PLB1: variants seen among roughly 807,000 people sequenced by gnomAD.
PLB1 encodes the protein phospholipase B1, membrane-associated.
Under a neutral mutation model 227.4 loss-of-function variants are expected in PLB1, and 242 were observed. The observed-to-expected ratio is 1.06, with a 90% CI of 0.96 to 1.18. The LOEUF (loss-of-function observed/expected upper bound fraction) is 1.18. Among genes scored for constraint, PLB1 ranks in the 50% most tolerant of loss-of-function variants. PLB1 has a pLI of 0.00. For missense variants in PLB1, 1,858 were observed against 1,816.3 expected (o/e 1.02, Z -0.42); for synonymous variants, 757 against 682.2 (o/e 1.11, Z -1.71).
rs151216322 is a variant in PLB1 at position 28,598,979 on chromosome 2, G to A, written c.2474+219G>A. Among the ~76,000 whole-genome samples, 29 of 152,312 alleles carry A rather than the reference G, an allele frequency of 1.9e-4. No homozygotes were observed. The East Asian group carries it at 5.4e-3, about 28-fold the overall frequency. On this transcript the variant is annotated intron_variant, in intron 35 of 57. Coordinates refer to ENST00000327757, the MANE Select transcript of PLB1 (RefSeq NM_153021.5). ...CGATGCCCCTATAGGTTCAACTCCT[G>A]ACCTTGCCTTCATGTGCAGCATGTT... is the stretch of plus-strand genomic sequence containing the variant.
At chr2:28,516,745 C>T in intron 1 of PLB1, 63 bp from the exon 2 acceptor site, 1 of 1,473,526 alleles carries the variant, frequency 6.8e-7, no homozygotes, top group Non-Finnish European at 9.5e-7. Flanking sequence ...GGCATGAAAG[C>T]TACAAATTTG....
At chr2:28,582,793 G>T (rs747848141) in intron 25 of PLB1, among the ~76,000 whole-genome samples, 1 of 152,116 alleles carries the variant, frequency 6.6e-6, no homozygotes, top group African/African-American at 2.4e-5. Flanking sequence ...AGAGTAAAAC[G>T]CTAGGAATGG....
intron 1 of PLB1, among the ~76,000 whole-genome samples, chr2:28,504,219 T>C (rs1443242456): frequency 1.3e-5 from 2 of 152,232 alleles, no homozygotes; most frequent in African/African-American, 4.8e-5. Context: ...CTTTACCATC[T>C]TCTTGTCTTT....
intron 17 of PLB1, among the ~76,000 whole-genome samples, chr2:28,560,465 T>C (rs1033990583): frequency 2.0e-5 from 3 of 152,142 alleles, no homozygotes; most frequent in African/African-American, 7.2e-5. Context: ...TGTGAGTAAT[T>C]ACATATATAG....
chr2:28,547,202 C>CCAA (rs1553418180), intron 14 of PLB1, among the ~76,000 whole-genome samples: 3 of 99,912 alleles, frequency 3.0e-5, no homozygotes, highest in Non-Finnish European at 6.0e-5. Flanking sequence ...ACCCTGTCTC[C>CCAA]AAAAAAAAAA....
At chr2:28,593,447 C>T (rs1682341380) in intron 32 of PLB1, among the ~76,000 whole-genome samples, 1 of 152,180 alleles carries the variant, frequency 6.6e-6, no homozygotes, top group African/African-American at 2.4e-5. Context: ...CAAAACACTC[C>T]CTGTGAGATG....
intron 30 of PLB1, among the ~76,000 whole-genome samples, chr2:28,591,406 C>A (rs995107326): frequency 6.6e-6 from 1 of 152,194 alleles, no homozygotes; most frequent in African/African-American, 2.4e-5. Context: ...AAGAGAAATC[C>A]CCTTCCTTGT....
Position 28,538,020 on chromosome 2 carries a change from A to T in PLB1, c.556-299A>T, listed in dbSNP as rs912723950. Among the ~76,000 whole-genome samples, 18 of 152,314 alleles carry T rather than the reference A, an allele frequency of 1.2e-4. No homozygotes were observed. The East Asian group carries it at 2.9e-3, about 24-fold the overall frequency. On this transcript the variant is annotated intron_variant, in intron 9 of 57. Transcript: ENST00000327757. Reference sequence around the variant, plus strand: ...CCCTCAGTGTGAGCTTCAGAATCACACCAGGTATTTCTGATCTTGCTCTGA... The same window carrying T: ...CCCTCAGTGTGAGCTTCAGAATCACTCCAGGTATTTCTGATCTTGCTCTGA...
chr2:28,550,934 G>C (rs1486978113), intron 16 of PLB1, among the ~76,000 whole-genome samples: 1 of 152,140 alleles, frequency 6.6e-6, no homozygotes, highest in Non-Finnish European at 1.5e-5. Flanking sequence ...GACAGGCTGG[G>C]GGAGGGAGAA....
intron 25 of PLB1, 104 bp from the exon 26 acceptor site, chr2:28,585,657 C>T (rs2148276356): frequency 2.1e-6 from 2 of 968,304 alleles, no homozygotes; most frequent in South Asian, 2.7e-5. Context: ...CTCTGAACTC[C>T]AAGTTAAAAG....
chr2:28,543,549 T>G (rs1672803060), intron 14 of PLB1, among the ~76,000 whole-genome samples: 1 of 152,228 alleles, frequency 6.6e-6, no homozygotes, highest in Non-Finnish European at 1.5e-5. Context: ...TCTCAGAGTC[T>G]GTGTGGAAGA....
At chr2:28,580,363 C>T (rs575327512) in intron 23 of PLB1, among the ~76,000 whole-genome samples, 1 of 152,354 alleles carries the variant, frequency 6.6e-6, no homozygotes, top group Admixed American at 6.5e-5. Context: ...GGCAGTTCAT[C>T]ACAGCACAAA....
intron 23 of PLB1, among the ~76,000 whole-genome samples, chr2:28,581,502 T>TAAAAAA: frequency 1.1e-5 from 1 of 93,920 alleles, no homozygotes; most frequent in African/African-American, 5.3e-5. Context: ...AATAAATAAA[T>TAAAAAA]AAATAAATAA....
chr2:28,574,381 A>C (rs1434210267), intron 21 of PLB1, among the ~76,000 whole-genome samples: 6 of 21,674 alleles, frequency 2.8e-4, no homozygotes, highest in African/African-American at 5.6e-4. Context: ...CCATTATATC[A>C]TTCTTTTTTT....
At chr2:28,619,755 T>C (rs1260478388) in intron 46 of PLB1, among the ~76,000 whole-genome samples, 1 of 152,022 alleles carries the variant, frequency 6.6e-6, no homozygotes, top group Non-Finnish European at 1.5e-5. Context: ...TTGTGTGGAC[T>C]GGGAAGGAGG....
At chr2:28,575,133 C>T (rs746609906) in intron 21 of PLB1, among the ~76,000 whole-genome samples, 4 of 152,200 alleles carry the variant, frequency 2.6e-5, no homozygotes, top group Non-Finnish European at 4.4e-5. Flanking sequence ...TTCCCACCAG[C>T]AGTGTAAAAG....
At chr2:28,636,035 G>GTA (rs879585499) in intron 56 of PLB1, among the ~76,000 whole-genome samples, 4 of 151,408 alleles carry the variant, frequency 2.6e-5, no homozygotes, top group Non-Finnish European at 5.9e-5. Context: ...GTGTATGTGT[G>GTA]TGTGTGTATG....
chr2:28,631,656 C>T (rs1688654221), intron 54 of PLB1, among the ~76,000 whole-genome samples: 1 of 152,190 alleles, frequency 6.6e-6, no homozygotes, highest in Non-Finnish European at 1.5e-5. Context: ...GCCCCATGTT[C>T]TAATTGACCT....
In PLB1 at chr2:28,589,708, G is replaced by C; in HGVS notation, c.1954G>C (p.Asp652His). 1 of 1,614,062 alleles carries C rather than the reference G, an allele frequency of 6.2e-7. No individual in the cohort carries two copies. Among genetic ancestry groups the C allele is most frequent in the Non-Finnish European group, 8.5e-7 (1 of 1,180,014 alleles). The change falls in exon 28 of 58, where the codon GAC becomes CAC. Residue 652 changes from aspartate to histidine, a missense_variant. Transcript: ENST00000327757. The part of the protein sequence containing the change: ...GLPDNSFFAP[D>H]CFHFSSKSHS... ...GCCTGACAACTCTTTCTTCGCTCCT[G>C]ACTGTTTCCACTTCAGCAGCAAGTC...
Sources: gnomAD v4.1 joint callset for allele counts (sites outside exome capture counted in the v4.1 genomes callset) on GRCh38, gnomAD v4.1.1 for gene constraint, MANE v1.5 for transcripts, NCBI Gene and HGNC (gene_info 2026-07-23, HGNC 2026-07-21) for gene names.